The following POC1B variants were observed in gnomAD, a reference collection of about 807,000 sequenced individuals.
The protein encoded by POC1B is POC1 centriolar protein B, also known as POC1 centriolar protein homolog B.
Under a neutral mutation model 60.6 loss-of-function variants are expected in POC1B, and 44 were observed. The observed-to-expected ratio is 0.73, with a 90% CI of 0.57 to 0.93. The LOEUF (loss-of-function observed/expected upper bound fraction) is 0.93. Ranked by LOEUF, POC1B falls within the 40% of genes least tolerant of loss-of-function variation. The probability of loss-of-function intolerance (pLI) is 0.00; values close to 1 mark genes in which losing one functional copy is unlikely to be tolerated. For synonymous variants in POC1B, 180 were observed against 198.9 expected (o/e 0.90, Z 0.80); for missense variants, 555 against 572.3 (o/e 0.97, Z 0.31).
At chr12:89,482,985 C>A (rs1472060074) in intron 4 of POC1B, among the ~76,000 whole-genome samples, 1 of 150,792 alleles carries the variant, frequency 6.6e-6, no homozygotes, top group African/African-American at 2.4e-5. Context: ...AGTGCAACGG[C>A]TCACCTCAAC....
intron 10 of POC1B, among the ~76,000 whole-genome samples, chr12:89,452,005 A>G (rs1010425919): frequency 6.6e-6 from 1 of 152,186 alleles, no homozygotes; most frequent in Non-Finnish European, 1.5e-5. Context: ...TCAGGGAGCT[A>G]CGGTAGTAAT....
rs140241110 is a variant in POC1B at position 89,459,666 on chromosome 12, A to G, written c.1085T>C (p.Met362Thr). 3.8e-4 allele frequency: 588 copies of G among 1,531,354 alleles called. 4 individuals carry two copies. The African/African-American group carries it at 7.5e-3, about 20-fold the overall frequency. 94.9% of individuals were successfully genotyped at this position (1,531,354 alleles called of 1,614,324 possible). The change falls in exon 10 of 12, where the codon ATG (methionine) becomes ACG (threonine). Residue 362 changes from methionine (M) to threonine (T), a missense_variant. Met to Thr is a moderately conservative substitution (Grantham distance 81, BLOSUM62 -1). Coordinates refer to ENST00000313546, the MANE Select transcript of POC1B (RefSeq NM_172240.3). ...IDLQISTPPVMDILSFDSTTT... is the reference protein window; with the variant it reads ...IDLQISTPPVTDILSFDSTTT... ...GGTAGAATCAAAAGAAAGGATATCC[A>G]TAACAGGGGGAGTAGAGATCTGCAA...
intron 10 of POC1B, among the ~76,000 whole-genome samples, chr12:89,454,093 G>A (rs554251320): frequency 2.6e-5 from 4 of 152,302 alleles, no homozygotes; most frequent in Middle Eastern, 3.4e-3. Context: ...CACTGATTCA[G>A]CCGATCACTT....
In POC1B at chr12:89,522,737, A is replaced by C. The variant is rs1870988710; in HGVS notation, c.100+2383T>G. 2.0e-6 allele frequency: 3 copies of C among 1,498,346 alleles called. No individual in the cohort carries two copies. In the African/African-American group the frequency reaches 4.2e-5, roughly 21 times the overall value. The allele number at this position is 1,498,346 out of a possible 1,614,324, so 92.8% of individuals were successfully genotyped here. ...GTGGCTTTTGATAAAATAAAATACA[A>C]TCTTCACTGAGGCTCTTAAGGCTCT... On this transcript the variant is annotated intron_variant, in intron 2 of 11. Transcript: ENST00000313546.
Position 89,525,218 on chromosome 12 carries a change from T to C in POC1B, c.16-14A>G. Reference sequence around the variant, plus strand: ...AACGGGGTCCTCCTGGAAAGGAAAGTTGTCAAGTTTTGAAAGCCGCCGCAG... The same window carrying C: ...AACGGGGTCCTCCTGGAAAGGAAAGCTGTCAAGTTTTGAAAGCCGCCGCAG... On this transcript the variant is annotated splice_polypyrimidine_tract_variant and intron_variant, in intron 1 of 11. Coordinates refer to ENST00000313546, the MANE Select transcript of POC1B (RefSeq NM_172240.3). 2.5e-6 allele frequency: 4 copies of C among 1,599,302 alleles called. No individual in the cohort carries two copies. The highest frequency in any genetic ancestry group is 3.4e-6 in the Non-Finnish European group (4 of 1,172,754).
Position 89,471,645 on chromosome 12 carries a change from T to C in POC1B, c.645A>G (p.Val215=). ...GSDQTVKVWD[V]RVNKLLQHYQ... is the part of the protein sequence containing the mutation. ...AATGCTGTAGTAATTTGTTCACTCT[T>C]ACATCCCAGACTTTCACAGTTTGAT... is the stretch of plus-strand genomic sequence containing the variant. Residue 215 remains valine (V), a synonymous_variant, in exon 6 of 12, where the codon GTA becomes GTG. Transcript: ENST00000313546. The C allele has an allele frequency of 6.2e-7, 1 of 1,612,088 alleles. No individual in the cohort carries two copies. The highest frequency in any genetic ancestry group is 8.5e-7 in the Non-Finnish European group (1 of 1,178,976).
chr12:89,447,952 TG>T (rs1881855362), intron 10 of POC1B, among the ~76,000 whole-genome samples: 1 of 151,898 alleles, frequency 6.6e-6, no homozygotes, highest in Non-Finnish European at 1.5e-5. Context: ...CTGGACCTCC[TG>T]GAACTATAGA....
intron 2 of POC1B, among the ~76,000 whole-genome samples, chr12:89,516,762 C>G (rs768439794): frequency 5.9e-5 from 9 of 152,196 alleles, no homozygotes; most frequent in Non-Finnish European, 1.2e-4. Context: ...TCCAAAGGCT[C>G]TAGGGGATAT....
chr12:89,461,107 C>G (rs1882466712), intron 9 of POC1B: 2 of 149,402 alleles, frequency 1.3e-5, no homozygotes, highest in East Asian at 4.0e-4. Context: ...ATAAAATACA[C>G]TAACATTAAT....
At chr12:89,468,636 T>A (rs1396390566) in intron 7 of POC1B, among the ~76,000 whole-genome samples, 1 of 151,058 alleles carries the variant, frequency 6.6e-6, no homozygotes, top group Non-Finnish European at 1.5e-5. Flanking sequence ...ATTTTGTACT[T>A]TTTTCATGGA....
At chr12:89,459,795 G>T in intron 9 of POC1B, 77 bp from the exon 10 acceptor site, 1 of 789,012 alleles carries the variant, frequency 1.3e-6, no homozygotes, top group South Asian at 2.6e-5. Flanking sequence ...AAACCTGGAG[G>T]GCATTTTCTA....
intron 2 of POC1B, chr12:89,523,626 G>A (rs753337290): frequency 3.9e-6 from 6 of 1,547,640 alleles, no homozygotes; most frequent in South Asian, 1.3e-5. Flanking sequence ...CTCCAGCCAT[G>A]GTAGGTGATC....
intron 9 of POC1B, among the ~76,000 whole-genome samples, chr12:89,463,075 T>C (rs1408689481): frequency 6.6e-6 from 1 of 152,184 alleles, no homozygotes; most frequent in African/African-American, 2.4e-5. Flanking sequence ...ACTTGTACTT[T>C]TCAACAATGA....
chr12:89,444,448 A>G (rs1223312056), intron 10 of POC1B, among the ~76,000 whole-genome samples: 1 of 152,258 alleles, frequency 6.6e-6, no homozygotes, highest in Non-Finnish European at 1.5e-5. Flanking sequence ...AGACTGGTTC[A>G]ACATATGCAA....
At position 89,425,283 on chromosome 12, in the gene POC1B, T is replaced by C. The variant is rs188364351; in HGVS notation, c.1210A>G (p.Thr404Ala). ...PSLMSPECLP[T>A]TTKKKTEDMS... ...TCTTCTGTTTTCTTTTTCGTGGTTG[T>C]TGGCAAACATTCTGGTGACATTAAG... Residue 404 changes from threonine to alanine, a missense_variant, in exon 11 of 12, where the codon ACA becomes GCA. Physicochemically the swap from Thr to Ala is moderately conservative, Grantham distance 58 (BLOSUM62 0). Coordinates refer to ENST00000313546, the MANE Select transcript of POC1B (RefSeq NM_172240.3). The C allele has an allele frequency of 6.8e-6, 11 of 1,614,134 alleles. No homozygotes were observed. Among genetic ancestry groups the C allele is most frequent in the Non-Finnish European group, 9.3e-6 (11 of 1,180,006 alleles).
At chr12:89,474,324 CTA>C (rs941807838) in intron 4 of POC1B, among the ~76,000 whole-genome samples, 1 of 152,038 alleles carries the variant, frequency 6.6e-6, no homozygotes, top group African/African-American at 2.4e-5. Context: ...CAAAATATTT[CTA>C]TGAGAGGACT....
At chr12:89,440,777 C>G (rs1881478102) in intron 10 of POC1B, among the ~76,000 whole-genome samples, 1 of 152,234 alleles carries the variant, frequency 6.6e-6, no homozygotes, top group African/African-American at 2.4e-5. Flanking sequence ...GCTTGTCGGA[C>G]AGTGGGTGCA....
At chr12:89,508,907 A>G (rs879064252) in intron 2 of POC1B, among the ~76,000 whole-genome samples, 1 of 152,198 alleles carries the variant, frequency 6.6e-6, no homozygotes, top group Admixed American at 6.5e-5. Flanking sequence ...GCCATGTGAA[A>G]CTATGTGTCA....
At chr12:89,510,767 T>TTTTTTTC (rs1361245100) in intron 2 of POC1B, among the ~76,000 whole-genome samples, 3 of 150,222 alleles carry the variant, frequency 2.0e-5, no homozygotes, top group Non-Finnish European at 4.4e-5. Context: ...TTTATTCTTT[T>TTTTTTTC]TTTTTTTTGA....
Sources: allele counts gnomAD v4.1 joint callset (sites outside exome capture counted in the v4.1 genomes callset), GRCh38; gene constraint gnomAD v4.1.1; transcripts MANE v1.5; gene names NCBI Gene and HGNC (gene_info 2026-07-23, HGNC 2026-07-21).